SRPK2: variants seen among roughly 807,000 people sequenced by gnomAD.
The protein encoded by SRPK2 is SRSF protein kinase 2.
SRPK2 carries 21 observed loss-of-function variants against 90.8 expected under a neutral mutation model. The ratio of observed to expected loss-of-function variants is 0.23; its 90% CI spans 0.16 to 0.33. SRPK2 has a LOEUF of 0.33. Among genes scored for constraint, SRPK2 ranks in the 10% least tolerant of loss-of-function variants. The pLI, the probability that SRPK2 is intolerant of heterozygous loss-of-function variation, is 1.00. For missense variants in SRPK2, 620 were observed against 869.0 expected, an observed-to-expected ratio of 0.71 and a Z score of 3.60; for synonymous variants, 288 against 311.1, an observed-to-expected ratio of 0.93 and a Z score of 0.78.
intron 2 of SRPK2, chr7:105,301,898 A>G: frequency 6.2e-7 from 1 of 1,603,308 alleles, no homozygotes; most frequent in South Asian, 1.1e-5. Flanking sequence ...GATAAGCAAT[A>G]TCATCTCAAT....
chr7:105,376,248 T>C (rs1426546666), intron 2 of SRPK2, among the ~76,000 whole-genome samples: 1 of 151,734 alleles, frequency 6.6e-6, no homozygotes, highest in Non-Finnish European at 1.5e-5. Flanking sequence ...CCGCCCGCCT[T>C]GGCCTCCCAA....
Position 105,261,022 on chromosome 7 carries a change from T to TAAAAAA in SRPK2, c.72-57243_72-57238dup, listed in dbSNP as rs72277307. ...CATTGTGCATATGTACCCTAGAAAT[T>TAAAAAA]AAAAAAAAAAAAAAAAAAAACAGTA... On this transcript the variant is annotated intron_variant, in intron 2 of 15. Coordinates refer to ENST00000393651, the MANE Select transcript of SRPK2 (RefSeq NM_182692.3). Among the ~76,000 whole-genome samples the TAAAAAA allele has an allele frequency of 2.3e-4, 27 of 116,038 alleles. 2 individuals are homozygous for TAAAAAA. The highest frequency in any genetic ancestry group is 5.7e-4 in the Admixed American group (6 of 10,546). 76.1% of individuals were successfully genotyped at this position (116,038 alleles called of 152,430 possible).
At chr7:105,320,955 TGAGTAGGTAG>T (rs1016074518) in intron 2 of SRPK2, among the ~76,000 whole-genome samples, 4 of 152,146 alleles carry the variant, frequency 2.6e-5, no homozygotes, top group Non-Finnish European at 1.5e-5. Flanking sequence ...CTCAGCCTCC[TGAGTAGGTAG>T]GACTACAGGC....
intron 2 of SRPK2, among the ~76,000 whole-genome samples, chr7:105,332,117 A>G (rs972749338): frequency 2.0e-5 from 3 of 152,224 alleles, no homozygotes; most frequent in African/African-American, 7.2e-5. Context: ...GAATAATAAA[A>G]GGCAATATTC....
At chr7:105,196,820 C>G (rs902655087) in intron 3 of SRPK2, among the ~76,000 whole-genome samples, 5 of 152,098 alleles carry the variant, frequency 3.3e-5, no homozygotes, top group African/African-American at 9.7e-5. Flanking sequence ...GAGGCTGAGA[C>G]AGGCGGATCA....
chr7:105,173,793 G>A (rs1028671396), intron 3 of SRPK2, among the ~76,000 whole-genome samples: 1 of 152,078 alleles, frequency 6.6e-6, no homozygotes, highest in Non-Finnish European at 1.5e-5. Flanking sequence ...CATTAGGCAG[G>A]GTGCCAGAAA....
At chr7:105,247,711 TA>T (rs1801897267) in intron 2 of SRPK2, among the ~76,000 whole-genome samples, 1 of 83,570 alleles carries the variant, frequency 1.2e-5, no homozygotes, top group African/African-American at 6.1e-5. Context: ...ATTAACCACC[TA>T]TTTTTTTTAA....
intron 3 of SRPK2, among the ~76,000 whole-genome samples, chr7:105,170,860 AAAGAAAGAAAGAAAG>A (rs1362304701): frequency 2.5e-4 from 15 of 60,326 alleles, no homozygotes; most frequent in Non-Finnish European, 5.7e-4. Flanking sequence ...AGAAAGAAAG[AAAGAAAGAAAGAAAG>A]AAAGAAAGAA....
chr7:105,339,290 C>T (rs1815469882), intron 2 of SRPK2, among the ~76,000 whole-genome samples: 1 of 152,164 alleles, frequency 6.6e-6, no homozygotes, highest in Admixed American at 6.6e-5. Context: ...GCCATTCCTC[C>T]TCTAGTTAAA....
intron 2 of SRPK2, among the ~76,000 whole-genome samples, chr7:105,348,233 G>A (rs200718645): frequency 2.0e-5 from 3 of 151,374 alleles, no homozygotes; most frequent in East Asian, 2.0e-4. Flanking sequence ...CACCACGCCC[G>A]GCCAATTCTG....
chr7:105,318,474 T>C (rs1812556943), intron 2 of SRPK2, among the ~76,000 whole-genome samples: 2 of 152,240 alleles, frequency 1.3e-5, no homozygotes, highest in Admixed American at 6.5e-5. Context: ...CAAGTACCAA[T>C]TGATATAAAC....
intron 2 of SRPK2, among the ~76,000 whole-genome samples, chr7:105,313,171 T>G (rs1243371233): frequency 6.6e-6 from 1 of 151,694 alleles, no homozygotes; most frequent in East Asian, 1.9e-4. Context: ...AATTACCAGG[T>G]GCAGTGGCTC....
rs185595540 is a variant in SRPK2, at chr7:105,170,912, A to G, written c.230-1647T>C. On this transcript the variant is annotated intron_variant, in intron 3 of 15. Coordinates refer to ENST00000393651, the MANE Select transcript of SRPK2 (RefSeq NM_182692.3). ...GAAAGAAAGAAAGAAAGAAAGAAAG[A>G]AAGGAGAAAGAAAAAGAAAAAGGAA... Among the ~76,000 whole-genome samples, 45 of 123,656 alleles carry G rather than the reference A, an allele frequency of 3.6e-4. 1 individual carries two copies. The highest frequency in any genetic ancestry group is 1.3e-3 in the East Asian group (5 of 3,980). The allele number at this position is 123,656 out of a possible 152,430, so 81.1% of individuals were successfully genotyped here.
chr7:105,165,128 C>T (rs1312443774), intron 6 of SRPK2, among the ~76,000 whole-genome samples: 5 of 152,214 alleles, frequency 3.3e-5, no homozygotes, highest in Non-Finnish European at 7.3e-5. Flanking sequence ...TTTTGGGATA[C>T]TTTGCTCTCT....
intron 2 of SRPK2, among the ~76,000 whole-genome samples, chr7:105,232,458 T>TAAAAAAAAAAAAAAAAAAAAAAA (rs10533429): frequency 3.8e-5 from 5 of 132,098 alleles, no homozygotes; most frequent in African/African-American, 5.7e-5. Flanking sequence ...AAACCTTATC[T>TAAAAAAAAAAAAAAAAAAAAAAA]AAAAAAAAAA....
At chr7:105,316,274 A>C (rs1812302162) in intron 2 of SRPK2, among the ~76,000 whole-genome samples, 1 of 152,126 alleles carries the variant, frequency 6.6e-6, no homozygotes, top group Admixed American at 6.6e-5. Context: ...ATCTTGAGGT[A>C]ATCTTAAAAC....
At chr7:105,297,686 T>A (rs1809999881) in intron 2 of SRPK2, among the ~76,000 whole-genome samples, 1 of 152,144 alleles carries the variant, frequency 6.6e-6, no homozygotes, top group African/African-American at 2.4e-5. Flanking sequence ...TAACAAAATC[T>A]TTGTTACATT....
intron 2 of SRPK2, among the ~76,000 whole-genome samples, chr7:105,361,015 A>G (rs1180939706): frequency 2.0e-5 from 3 of 152,174 alleles, no homozygotes; most frequent in Admixed American, 1.3e-4. Flanking sequence ...AGGGTATTCA[A>G]TTAGGAAAAG....
intron 2 of SRPK2, among the ~76,000 whole-genome samples, chr7:105,229,612 G>A (rs575421764): frequency 5.3e-5 from 8 of 152,286 alleles, no homozygotes; most frequent in Non-Finnish European, 1.2e-4. Context: ...AACAGATGAA[G>A]GGGGAGCGCA....
Sources: gnomAD v4.1 joint callset for allele counts (sites outside exome capture counted in the v4.1 genomes callset) on GRCh38, gnomAD v4.1.1 for gene constraint, MANE v1.5 for transcripts, NCBI Gene and HGNC (gene_info 2026-07-23, HGNC 2026-07-21) for gene names.